Variants in ARHGAP17 observed in about 807,000 individuals in gnomAD.
ARHGAP17 encodes the protein Rho GTPase activating protein 17.
In ARHGAP17, 57 loss-of-function variants were observed where a neutral mutation model predicts 99.5. That is an observed-to-expected ratio of 0.57 (90% CI 0.46 to 0.71). The LOEUF is 0.71. ARHGAP17 is among the 30% of genes least tolerant of loss of function. The pLI, the probability that ARHGAP17 is intolerant of heterozygous loss-of-function variation, is 0.00. For synonymous variants in ARHGAP17, 417 were observed against 429.6 expected (o/e 0.97, Z 0.36); for missense variants, 1,000 against 1,122.4 (o/e 0.89, Z 1.56).
chr16:24,968,287 C>G, intron 6 of ARHGAP17, 64 bp downstream of exon 6: 1 of 1,568,194 alleles, frequency 6.4e-7, no homozygotes, highest in Non-Finnish European at 8.8e-7. Context: ...TGTCCACTGT[C>G]AGTGGTCTTC....
chr16:24,959,966 G>C lies in ARHGAP17; in HGVS notation c.587C>G (p.Ala196Gly). ...KVEQCKDQLAADMYNFMAKEG... is the reference protein window; with the variant it reads ...KVEQCKDQLAGDMYNFMAKEG... ...TTTGGCCATAAAGTTGTACATGTCT[G>C]CTGCAAGTTGATCCTGGGTAAATGG... The change falls in exon 8 of 20, where the codon GCA becomes GGA. Residue 196 changes from alanine (A) to glycine (G), a missense_variant. Physicochemically the swap from Ala to Gly is moderately conservative, Grantham distance 60. Coordinates refer to ENST00000289968, the MANE Select transcript of ARHGAP17 (RefSeq NM_001006634.3). The C allele has an allele frequency of 1.2e-6, 2 of 1,614,016 alleles. No individual in the cohort carries two copies. The highest frequency in any genetic ancestry group is 2.2e-5 in the South Asian group (2 of 91,060).
At position 24,999,241 on chromosome 16, in the gene ARHGAP17, C is replaced by T. The variant is rs772196075; in HGVS notation, c.53+15968G>A. Among the ~76,000 whole-genome samples the T allele has an allele frequency of 7.2e-5, 11 of 152,242 alleles. 1 individual carries two copies. Among genetic ancestry groups the T allele is most frequent in the South Asian group, 6.2e-4 (3 of 4,826 alleles). On this transcript the variant is annotated intron_variant, in intron 1 of 19. Transcript: ENST00000289968. Reference sequence around the variant, plus strand: ...TGTCTGTGATATCTGCTCATTAGAGCGGAGTTCTTAAAATTACTAGAGAGC... The same window carrying T: ...TGTCTGTGATATCTGCTCATTAGAGTGGAGTTCTTAAAATTACTAGAGAGC...
intron 18 of ARHGAP17, among the ~76,000 whole-genome samples, chr16:24,933,717 G>C (rs1464953129): frequency 1.3e-5 from 2 of 152,018 alleles, no homozygotes; most frequent in Non-Finnish European, 2.9e-5. Flanking sequence ...TGAAGAGGAT[G>C]GGGAGAGGGA....
intron 3 of ARHGAP17, among the ~76,000 whole-genome samples, chr16:24,971,870 C>T (rs372890061): frequency 6.6e-5 from 10 of 152,132 alleles, no homozygotes; most frequent in East Asian, 1.9e-4. Context: ...CCCAGGGAGA[C>T]GCAGGAAAGT....
chr16:24,942,246 C>G, intron 15 of ARHGAP17, 103 bp from the exon 16 acceptor site: 1 of 1,181,136 alleles, frequency 8.5e-7, no homozygotes, highest in African/African-American at 1.5e-5. Context: ...CTTCAGTCCA[C>G]AGCCCTCACT....
intron 10 of ARHGAP17, among the ~76,000 whole-genome samples, chr16:24,954,209 C>CA (rs1256179111): frequency 1.3e-5 from 2 of 151,904 alleles, no homozygotes; most frequent in Non-Finnish European, 2.9e-5. Flanking sequence ...GACCTCCAAC[C>CA]AAAAAAACTG....
In ARHGAP17 at chr16:24,920,148, G is replaced by T. The variant is rs35773631; in HGVS notation, c.2628C>A (p.Thr876=). The T allele has an allele frequency of 7.4e-6, 12 of 1,613,858 alleles. No individual in the cohort carries two copies. The highest frequency in any genetic ancestry group is 6.7e-5 in the East Asian group (3 of 44,884). ...GRILLDIDND[T]ESTAL The stretch of plus-strand genomic sequence containing the variant: ...GCTTTCTTCACAGGGCAGTGCTCTC[G>T]GTATCATTGTCTATATCCAGCAGGA... The change falls in exon 20 of 20, where the codon ACC becomes ACA. Residue 876 remains threonine (T), a synonymous_variant. Coordinates refer to ENST00000289968, the MANE Select transcript of ARHGAP17 (RefSeq NM_001006634.3).
At chr16:24,936,701 G>A (rs2051149615) in intron 17 of ARHGAP17, 2 of 148,818 alleles carry the variant, frequency 1.3e-5, no homozygotes, top group Non-Finnish European at 1.5e-5. Flanking sequence ...GCGAGATGCT[G>A]TCTCAAAAAA....
Position 25,015,298 on chromosome 16 carries a change from C to G in ARHGAP17, c.-37G>C. Reference sequence around the variant, plus strand: ...CGGCGGCGGCCCGCGGGGCTCGGGCCGGGCAGGGCGGGGGACAGCCTGGCA... The same window carrying G: ...CGGCGGCGGCCCGCGGGGCTCGGGCGGGGCAGGGCGGGGGACAGCCTGGCA... On this transcript the variant is annotated 5_prime_UTR_variant, in exon 1 of 20. Coordinates refer to ENST00000289968, the MANE Select transcript of ARHGAP17 (RefSeq NM_001006634.3). 7.7e-7 allele frequency: 1 copy of G among 1,303,554 alleles called. No individual in the cohort carries two copies. Among genetic ancestry groups the G allele is most frequent in the Non-Finnish European group, 9.8e-7 (1 of 1,019,948 alleles). 80.7% of individuals were successfully genotyped at this position (1,303,554 alleles called of 1,614,324 possible). A position where few individuals can be genotyped will look rare whatever the true frequency, so the allele number is the denominator to read the frequency against.
chr16:24,961,592 G>A (rs72770496), intron 7 of ARHGAP17, among the ~76,000 whole-genome samples: 13,209 of 142,754 alleles, frequency 0.093, 697 homozygotes, highest in Middle Eastern at 0.21. Context: ...GTCTGGTGGC[G>A]CAATCTTGGC....
intron 1 of ARHGAP17, among the ~76,000 whole-genome samples, chr16:24,993,376 A>G (rs1431768420): frequency 6.6e-6 from 1 of 152,134 alleles, no homozygotes; most frequent in African/African-American, 2.4e-5. Context: ...ACCTAAGGTC[A>G]GGTGTTCAAA....
chr16:24,985,836 A>C (rs915900876), intron 1 of ARHGAP17, among the ~76,000 whole-genome samples: 1 of 152,108 alleles, frequency 6.6e-6, no homozygotes, highest in Non-Finnish European at 1.5e-5. Context: ...ACACACATAC[A>C]TGCACACCCA....
rs2050679232 is a variant in ARHGAP17 at position 24,920,063 on chromosome 16, A to G, written c.*67T>C. Reference sequence around the variant, plus strand: ...TTTTCACTGTTCGGTCTGCAAAGAAAGAGGTTCGCCTGCCCCTGCTCCACT... The same window carrying G: ...TTTTCACTGTTCGGTCTGCAAAGAAGGAGGTTCGCCTGCCCCTGCTCCACT... On this transcript the variant is annotated 3_prime_UTR_variant, in exon 20 of 20. Transcript: ENST00000289968. 1.9e-6 allele frequency: 3 copies of G among 1,582,366 alleles called. No homozygotes were observed. In the Admixed American group the frequency reaches 5.2e-5, roughly 27 times the overall value.
chr16:24,973,055 C>G (rs2052415765), intron 3 of ARHGAP17, among the ~76,000 whole-genome samples: 1 of 151,868 alleles, frequency 6.6e-6, no homozygotes, highest in Admixed American at 6.6e-5. Context: ...AGGCTGGTAT[C>G]GACTCCTGAG....
intron 1 of ARHGAP17, among the ~76,000 whole-genome samples, chr16:24,996,391 A>G (rs1028220745): frequency 2.0e-5 from 3 of 152,222 alleles, no homozygotes; most frequent in Non-Finnish European, 4.4e-5. Flanking sequence ...AAATTTCTTC[A>G]GCGTTACCAG....
chr16:24,983,465 G>A (rs973401684), intron 1 of ARHGAP17, among the ~76,000 whole-genome samples: 1 of 151,144 alleles, frequency 6.6e-6, no homozygotes, highest in Non-Finnish European at 1.5e-5. Context: ...TCATGCCCAG[G>A]TAATTTTTAA....
chr16:24,947,272 G>C (rs2051500519), intron 14 of ARHGAP17, among the ~76,000 whole-genome samples: 1 of 152,170 alleles, frequency 6.6e-6, no homozygotes, highest in Non-Finnish European at 1.5e-5. Flanking sequence ...TTGAGAACTG[G>C]GACAATGTCT....
intron 11 of ARHGAP17, 58 bp from the exon 12 acceptor site, chr16:24,952,428 G>A (rs2051671716): frequency 8.7e-6 from 12 of 1,379,436 alleles, no homozygotes; most frequent in Non-Finnish European, 1.1e-5. Flanking sequence ...GGAATCTTGG[G>A]ACATATTATT....
chr16:24,976,702 A>G (rs1026383983), intron 3 of ARHGAP17, among the ~76,000 whole-genome samples: 1 of 152,186 alleles, frequency 6.6e-6, no homozygotes, highest in African/African-American at 2.4e-5. Flanking sequence ...CAGCCCATAG[A>G]AGCTGCCAAT....
Sources: allele counts gnomAD v4.1 joint callset (sites outside exome capture counted in the v4.1 genomes callset), GRCh38; gene constraint gnomAD v4.1.1; transcripts MANE v1.5; gene names NCBI Gene and HGNC (gene_info 2026-07-23, HGNC 2026-07-21).